NELL1: variants seen among roughly 807,000 people sequenced by gnomAD.
The protein encoded by NELL1 is protein kinase C-binding protein NELL1.
Under a neutral mutation model 107.4 loss-of-function variants are expected in NELL1, and 76 were observed. That is an observed-to-expected ratio of 0.71 (90% confidence interval 0.59 to 0.86). The LOEUF is 0.86. NELL1 is among the 40% of genes least tolerant of loss of function. The pLI is 0.00. For missense variants in NELL1, 1,024 were observed against 1,005.5 expected, an observed-to-expected ratio of 1.02 and a Z score of -0.25; for synonymous variants, 353 against 341.2, an observed-to-expected ratio of 1.03 and a Z score of -0.38.
At chr11:20,821,227 A>G (rs140778438) in intron 3 of NELL1, among the ~76,000 whole-genome samples, 8 of 152,258 alleles carry the variant, frequency 5.3e-5, no homozygotes, top group African/African-American at 1.9e-4. Flanking sequence ...ATCAAAGACA[A>G]AGGCACGATG....
chr11:21,163,411 C>A (rs1267040881), intron 13 of NELL1, among the ~76,000 whole-genome samples: 1 of 152,064 alleles, frequency 6.6e-6, no homozygotes, highest in Non-Finnish European at 1.5e-5. Flanking sequence ...TGATGATAGT[C>A]AGAAGTAAAT....
intron 12 of NELL1, among the ~76,000 whole-genome samples, chr11:21,010,196 C>G (rs1481862753): frequency 6.6e-6 from 1 of 152,046 alleles, no homozygotes; most frequent in African/African-American, 2.4e-5. Flanking sequence ...GTCTACTGCT[C>G]ACTCCTCCCT....
intron 12 of NELL1, among the ~76,000 whole-genome samples, chr11:21,029,323 T>C (rs1852895519): frequency 6.6e-6 from 1 of 152,202 alleles, no homozygotes; most frequent in Non-Finnish European, 1.5e-5. Context: ...AAACGTCACA[T>C]TACAACGTCT....
At position 20,677,946 on chromosome 11, in the gene NELL1, A is replaced by G; in HGVS notation, c.70A>G (p.Met24Val). Residue 24 changes from methionine (M) to valine (V), a missense_variant, in exon 2 of 20, where the codon ATG (methionine) becomes GTG (valine). Transcript: ENST00000357134. Reference sequence around the variant, plus strand: ...TTCCTTTCCAGTGGTGGGCTTTGGGATGGACCCTGACCTTCAGATGGATAT... The same window carrying G: ...TTCCTTTCCAGTGGTGGGCTTTGGGGTGGACCCTGACCTTCAGATGGATAT... ...CTARTVVGFG[M>V]DPDLQMDIVT... 6.2e-7 allele frequency: 1 copy of G among 1,614,008 alleles called. No individual in the cohort carries two copies. The highest frequency in any genetic ancestry group is 1.1e-5 in the South Asian group (1 of 91,048).
rs529374864 is a variant in NELL1 at position 21,382,987 on chromosome 11, A to G, written c.1645+12039A>G. Among the ~76,000 whole-genome samples, 17 of 152,100 alleles carry G rather than the reference A, an allele frequency of 1.1e-4. No individual in the cohort carries two copies. The South Asian group carries it at 3.5e-3, about 32-fold the overall frequency. On this transcript the variant is annotated intron_variant, in intron 15 of 19. Coordinates refer to ENST00000357134, the MANE Select transcript of NELL1 (RefSeq NM_006157.5). Reference sequence around the variant, plus strand: ...AAACCGTGAGCAACTGGAGCCCAGAAGTTACAAACTTTCCCTAGTAACTAG... The same window carrying G: ...AAACCGTGAGCAACTGGAGCCCAGAGGTTACAAACTTTCCCTAGTAACTAG...
chr11:21,235,113 G>A (rs180984058), intron 14 of NELL1, among the ~76,000 whole-genome samples: 152 of 152,248 alleles, frequency 1.0e-3, no homozygotes, highest in African/African-American at 2.1e-3. Flanking sequence ...AATGTAATGA[G>A]GAAGAATTCA....
intron 14 of NELL1, among the ~76,000 whole-genome samples, chr11:21,314,982 A>G (rs140789126): frequency 0.024 from 3,626 of 151,984 alleles, 148 homozygotes; most frequent in African/African-American, 0.084. Context: ...TCAGCCTCCC[A>G]AATAGCTGGG....
chr11:21,367,096 C>T (rs183895434), intron 14 of NELL1, among the ~76,000 whole-genome samples: 8 of 152,024 alleles, frequency 5.3e-5, no homozygotes, highest in East Asian at 3.9e-4. Flanking sequence ...GTGGATTGAA[C>T]CTCTCTCAAA....
chr11:20,710,035 G>A (rs1053416084), intron 2 of NELL1, among the ~76,000 whole-genome samples: 4 of 152,092 alleles, frequency 2.6e-5, no homozygotes, highest in Non-Finnish European at 4.4e-5. Context: ...TTTGGATGCC[G>A]TTTATTTCTT....
intron 14 of NELL1, among the ~76,000 whole-genome samples, chr11:21,292,600 A>G (rs111629393): frequency 0.25 from 38,371 of 152,140 alleles, 5,846 homozygotes; most frequent in Middle Eastern, 0.41. Flanking sequence ...ATATGGAACC[A>G]AAAAGGAGCC....
intron 5 of NELL1, among the ~76,000 whole-genome samples, chr11:20,907,782 G>C (rs888690171): frequency 2.6e-5 from 4 of 152,130 alleles, no homozygotes; most frequent in Non-Finnish European, 5.9e-5. Context: ...GCATCCAACA[G>C]AGTGGGAGAA....
intron 2 of NELL1, among the ~76,000 whole-genome samples, chr11:20,696,024 A>C (rs1201940737): frequency 1.3e-5 from 2 of 152,086 alleles, no homozygotes; most frequent in Non-Finnish European, 2.9e-5. Context: ...ACGTGTTTCC[A>C]GGAATTTATC....
At chr11:20,920,519 C>A (rs192582173) in intron 7 of NELL1, among the ~76,000 whole-genome samples, 119 of 152,158 alleles carry the variant, frequency 7.8e-4, no homozygotes, top group Non-Finnish European at 3.1e-4. Flanking sequence ...TAGCTTTTCG[C>A]TTCAGAGTAT....
intron 15 of NELL1, among the ~76,000 whole-genome samples, chr11:21,489,838 C>T (rs75508126): frequency 1.3e-5 from 2 of 151,980 alleles, no homozygotes; most frequent in Non-Finnish European, 2.9e-5. Flanking sequence ...AGCTGACTTA[C>T]ATCATAGTGA....
chr11:21,122,253 T>C (rs771392773), intron 13 of NELL1, among the ~76,000 whole-genome samples: 1 of 152,146 alleles, frequency 6.6e-6, no homozygotes, highest in Non-Finnish European at 1.5e-5. Flanking sequence ...GTACACTCTA[T>C]TGTTAGATTT....
chr11:20,899,878 G>T (rs1291212880), intron 5 of NELL1, among the ~76,000 whole-genome samples: 1 of 133,632 alleles, frequency 7.5e-6, no homozygotes, highest in Non-Finnish European at 1.6e-5. Flanking sequence ...AAAGCTACAT[G>T]AATCGCCAAA....
At chr11:20,880,033 A>G (rs1293900745) in intron 4 of NELL1, among the ~76,000 whole-genome samples, 2 of 152,126 alleles carry the variant, frequency 1.3e-5, no homozygotes, top group Admixed American at 1.3e-4. Context: ...TTTTTCTGTT[A>G]CATATTAGCT....
intron 15 of NELL1, among the ~76,000 whole-genome samples, chr11:21,402,435 C>G (rs1486840127): frequency 6.6e-6 from 1 of 151,724 alleles, no homozygotes; most frequent in East Asian, 2.0e-4. Flanking sequence ...TGCTGGTTTT[C>G]CAATGGTGAA....
rs570283637 is a variant in NELL1, at chr11:20,964,061, A to G, written c.1300+3501A>G. Reference sequence around the variant, plus strand: ...CCTTTTGTCAGCTATGATACAATTCACAGGAGGCTGTTTCATTTTGCCTTT... The same window carrying G: ...CCTTTTGTCAGCTATGATACAATTCGCAGGAGGCTGTTTCATTTTGCCTTT... On this transcript the variant is annotated intron_variant, in intron 12 of 19. Transcript: ENST00000357134. 7.2e-5 allele frequency among the ~76,000 whole-genome samples: 11 copies of G among 152,286 alleles called. No homozygotes were observed. The East Asian group carries it at 2.1e-3, about 29-fold the overall frequency.
Sources: allele counts gnomAD v4.1 joint callset (sites outside exome capture counted in the v4.1 genomes callset), GRCh38; gene constraint gnomAD v4.1.1; transcripts MANE v1.5; gene names NCBI Gene and HGNC (gene_info 2026-07-23, HGNC 2026-07-21).